The following DDX49 variants were observed in gnomAD, a reference collection of about 807,000 sequenced individuals.
DDX49 encodes probable ATP-dependent RNA helicase DDX49.
DDX49 carries 50 observed loss-of-function variants against 56.3 expected under a neutral mutation model. The observed-to-expected ratio is 0.89, with a 90% confidence interval of 0.71 to 1.12. The LOEUF is 1.12. DDX49 is among the 50% of genes most tolerant of loss of function. DDX49 has a pLI of 0.00. For synonymous variants in DDX49, 269 were observed against 270.6 expected, an observed-to-expected ratio of 0.99 and a Z score of 0.06; for missense variants, 614 against 650.5, an observed-to-expected ratio of 0.94 and a Z score of 0.61.
intron 10 of DDX49, among the ~76,000 whole-genome samples, chr19:18,927,236 AAAT>A (rs2056968448): frequency 6.6e-6 from 1 of 152,114 alleles, no homozygotes; most frequent in Non-Finnish European, 1.5e-5. Flanking sequence ...CCTCTCCAAA[AAAT>A]ATAGAAACTA....
intron 10 of DDX49, among the ~76,000 whole-genome samples, chr19:18,927,070 CAAAAA>C (rs35034273): frequency 1.3e-4 from 10 of 74,778 alleles, no homozygotes; most frequent in South Asian, 4.9e-4. Context: ...GACTCTGTCT[CAAAAA>C]AAAAAAAAAA....
Position 18,922,614 on chromosome 19 carries a change from G to C in DDX49, c.646G>C (p.Val216Leu). 1 of 1,612,690 alleles carries C rather than the reference G, an allele frequency of 6.2e-7. No individual in the cohort carries two copies. Among genetic ancestry groups the C allele is most frequent in the South Asian group, 1.1e-5 (1 of 91,064 alleles). ...FWEAQAPVST[V>L]EQLDQRYLLV... Reference sequence around the variant, plus strand: ...TCTGTCCATCCCCAGGGTGAGCACCGTGGAGCAGCTGGACCAGCGCTACCT... The same window carrying C: ...TCTGTCCATCCCCAGGGTGAGCACCCTGGAGCAGCTGGACCAGCGCTACCT... The change falls in exon 6 of 13, where the codon GTG becomes CTG. Residue 216 changes from valine to leucine, a missense_variant. Transcript: ENST00000247003.
intron 6 of DDX49, 49 bp from the exon 7 acceptor site, chr19:18,924,183 TC>T (rs1211193581): frequency 6.3e-7 from 1 of 1,591,856 alleles, no homozygotes; most frequent in Non-Finnish European, 8.6e-7. Flanking sequence ...AGGAACACCT[TC>T]CCAGAACCTG....
chr19:18,922,196 C>G (rs1417766881), intron 4 of DDX49, 130 bp from the exon 5 acceptor site: 2 of 1,270,034 alleles, frequency 1.6e-6, no homozygotes. Flanking sequence ...AGGGGCAGGC[C>G]TCCCTTGGAA....
chr19:18,924,209 T>G lies in DDX49; in HGVS notation c.777-24T>G, dbSNP rs772754998. 5 of 1,613,250 alleles carry G rather than the reference T, an allele frequency of 3.1e-6. No homozygotes were observed. In the South Asian group the frequency reaches 4.4e-5, roughly 14 times the overall value. ...CCCAGAACCTGAGAGCTGGAGGGGT[T>G]GACAGGCACATCCTTCCCGCCAGGA... On this transcript the variant is annotated intron_variant, in intron 6 of 12. Coordinates refer to ENST00000247003, the MANE Select transcript of DDX49 (RefSeq NM_019070.5).
intron 10 of DDX49, among the ~76,000 whole-genome samples, chr19:18,927,070 CAAAAAAAA>C (rs35034273): frequency 1.3e-4 from 10 of 74,782 alleles, no homozygotes; most frequent in African/African-American, 3.3e-4. Flanking sequence ...GACTCTGTCT[CAAAAAAAA>C]AAAAAAAAAA....
intron 6 of DDX49, among the ~76,000 whole-genome samples, chr19:18,923,657 C>T (rs941357774): frequency 3.3e-5 from 5 of 152,036 alleles, no homozygotes; most frequent in African/African-American, 1.2e-4. Flanking sequence ...CCTTCTTGGC[C>T]TTCTTGGTAA....
At position 18,919,846 on chromosome 19, in the gene DDX49, C is replaced by T; in HGVS notation, c.105C>T (p.Ala35=). ...CCGTGCAGCTCGGCTGCATCCCCGC[C>T]ATCCTGGAGGGTGAGTATGGCCCAG... is the stretch of plus-strand genomic sequence containing the variant. ...PTPVQLGCIP[A]ILEGRDCLGC... The change falls in exon 1 of 13, where the codon GCC becomes GCT. Residue 35 remains alanine, a synonymous_variant. Coordinates refer to ENST00000247003, the MANE Select transcript of DDX49 (RefSeq NM_019070.5). 2 of 1,600,900 alleles carry T rather than the reference C, an allele frequency of 1.2e-6. No homozygotes were observed. The highest frequency in any genetic ancestry group is 4.5e-5 in the East Asian group (2 of 44,444).
Position 18,927,812 on chromosome 19 carries a change from G to C in DDX49, c.1149G>C (p.Gln383His). The C allele has an allele frequency of 6.2e-7, 1 of 1,614,012 alleles. No homozygotes were observed. The highest frequency in any genetic ancestry group is 8.5e-7 in the Non-Finnish European group (1 of 1,180,016). Reference protein sequence around the residue: ...EFSVEEAEVLQILTQVNVVRR... With the variant: ...EFSVEEAEVLHILTQVNVVRR... ...CCGTGGAAGAGGCCGAGGTGCTACAGATCCTCACACAGGTCAACGTGGTGC... is the reference window on the plus strand; with the variant it reads ...CCGTGGAAGAGGCCGAGGTGCTACACATCCTCACACAGGTCAACGTGGTGC... The change falls in exon 11 of 13, where the codon CAG becomes CAC. Residue 383 changes from glutamine to histidine, a missense_variant. By Grantham distance (24) the Gln-to-His change is conservative. Transcript: ENST00000247003.
chr19:18,920,274 G>A (rs1416685006), intron 1 of DDX49, among the ~76,000 whole-genome samples: 1 of 152,170 alleles, frequency 6.6e-6, no homozygotes, highest in African/African-American at 2.4e-5. Context: ...GCCCAACCCA[G>A]TTTCGCCATT....
intron 6 of DDX49, 31 bp from the exon 7 acceptor site, chr19:18,924,202 G>A (rs375027443): frequency 9.9e-5 from 159 of 1,611,908 alleles, no homozygotes; most frequent in Middle Eastern, 3.3e-4. Context: ...CTGAGAGCTG[G>A]AGGGGTTGAC....
rs755452873 is a variant in DDX49, at chr19:18,919,796, C to A, written c.55C>A (p.Gln19Lys). 1.5e-5 allele frequency: 24 copies of A among 1,612,828 alleles called. No homozygotes were observed. The Admixed American group carries it at 4.0e-4, about 27-fold the overall frequency. ...ATCGTGGCTCGTGGAACAATGTCGG[C>A]AGCTGGGTTTGAAGCAGCCCACGCC... ...LSSWLVEQCR[Q>K]LGLKQPTPVQ... Residue 19 changes from glutamine (Q) to lysine (K), a missense_variant, in exon 1 of 13, where the codon CAG becomes AAG. By Grantham distance (53) the Gln-to-Lys change is moderately conservative (BLOSUM62 1). Coordinates refer to ENST00000247003, the MANE Select transcript of DDX49 (RefSeq NM_019070.5).
chr19:18,920,164 T>G (rs1438657170), intron 1 of DDX49, among the ~76,000 whole-genome samples: 1 of 152,200 alleles, frequency 6.6e-6, no homozygotes, highest in Admixed American at 6.5e-5. Context: ...TATCTTTATT[T>G]TACAAATAGA....
In DDX49 at chr19:18,922,373, C is replaced by CA; in HGVS notation, c.496dup (p.Thr166AsnfsTer63). 4.3e-6 allele frequency: 7 copies of CA among 1,611,996 alleles called. No individual in the cohort carries two copies. Among genetic ancestry groups the CA allele is most frequent in the Non-Finnish European group, 4.2e-6 (5 of 1,179,740 alleles). Reference sequence around the variant, plus strand: ...TGCTGGAACAGGGCTGCACTGACTTCACCGTGGACCTGGAGGCCATCCTGG... The same window carrying CA: ...TGCTGGAACAGGGCTGCACTGACTTCAACCGTGGACCTGGAGGCCATCCTGG... On this transcript the variant is annotated frameshift_variant, in exon 5 of 13. Coordinates refer to ENST00000247003, the MANE Select transcript of DDX49 (RefSeq NM_019070.5). LOFTEE classifies it high-confidence loss of function.
intron 9 of DDX49, 47 bp downstream of exon 9, chr19:18,925,026 G>A: frequency 6.3e-7 from 1 of 1,587,698 alleles, no homozygotes. Flanking sequence ...TGTCCCTCCA[G>A]CCTGCCCAGC....
intron 1 of DDX49, among the ~76,000 whole-genome samples, chr19:18,920,062 T>G (rs1227724048): frequency 1.3e-5 from 2 of 152,264 alleles, no homozygotes; most frequent in Non-Finnish European, 2.9e-5. Context: ...GCAAGTGATG[T>G]AATCTCTGAA....
At chr19:18,920,762 C>T in intron 2 of DDX49, 59 bp downstream of exon 2, 1 of 1,523,992 alleles carries the variant, frequency 6.6e-7, no homozygotes, top group Non-Finnish European at 8.9e-7. Flanking sequence ...CTTGGGCAAG[C>T]ACCTTTCCCT....
intron 9 of DDX49, 135 bp from the exon 10 acceptor site, chr19:18,926,168 G>A: frequency 1.1e-6 from 1 of 907,956 alleles, no homozygotes; most frequent in Non-Finnish European, 1.7e-6. Flanking sequence ...AGACACTCTG[G>A]GCTGATCCCT....
chr19:18,923,059 CA>C (rs1271536326), intron 6 of DDX49, among the ~76,000 whole-genome samples: 3 of 152,144 alleles, frequency 2.0e-5, no homozygotes, highest in Non-Finnish European at 2.9e-5. Flanking sequence ...GAAGTTGTGA[CA>C]ACTAACAGGC....
Sources: gnomAD v4.1 joint callset for allele counts (sites outside exome capture counted in the v4.1 genomes callset) on GRCh38, gnomAD v4.1.1 for gene constraint, MANE v1.5 for transcripts, NCBI Gene and HGNC (gene_info 2026-07-23, HGNC 2026-07-21) for gene names.